ADAM32: variants seen among roughly 807,000 people sequenced by gnomAD.
ADAM32 encodes ADAM metallopeptidase domain 32, also known as disintegrin and metalloproteinase domain-containing protein 32.
A neutral mutation model predicts 114.9 loss-of-function variants in ADAM32; 89 were observed. That is an observed-to-expected ratio of 0.77 (90% CI 0.65 to 0.92). The LOEUF (loss-of-function observed/expected upper bound fraction) is 0.92, where lower values mean the gene tolerates loss of function less well. ADAM32 is among the 40% of genes least tolerant of loss of function. The pLI is 0.00. For synonymous variants in ADAM32, 285 were observed against 307.5 expected (o/e 0.93, Z 0.77); for missense variants, 870 against 932.8 (o/e 0.93, Z 0.88).
intron 12 of ADAM32, among the ~76,000 whole-genome samples, chr8:39,216,451 C>G (rs1279101374): frequency 6.6e-6 from 1 of 151,584 alleles, no homozygotes; most frequent in African/African-American, 2.4e-5. Context: ...TGTTATTTGT[C>G]TTTCTTCTTC....
intron 12 of ADAM32, among the ~76,000 whole-genome samples, chr8:39,219,018 C>T (rs186549059): frequency 9.9e-5 from 15 of 152,086 alleles, no homozygotes; most frequent in African/African-American, 3.4e-4. Context: ...TTCAAGGCAG[C>T]AGGTTCCCTT....
At chr8:39,127,692 A>AG (rs1564447193) in intron 2 of ADAM32, among the ~76,000 whole-genome samples, 1 of 151,464 alleles carries the variant, frequency 6.6e-6, no homozygotes, top group Non-Finnish European at 1.5e-5. Context: ...TTCTGCCCTG[A>AG]TTTTGGTTAT....
At chr8:39,202,027 G>C (rs943423053) in intron 11 of ADAM32, among the ~76,000 whole-genome samples, 16 of 152,170 alleles carry the variant, frequency 1.1e-4, no homozygotes, top group Non-Finnish European at 1.5e-5. Flanking sequence ...GATTTGGTTT[G>C]CCAGTATTTT....
At chr8:39,237,277 T>C (rs1810220313) in intron 16 of ADAM32, among the ~76,000 whole-genome samples, 2 of 152,024 alleles carry the variant, frequency 1.3e-5, no homozygotes, top group Non-Finnish European at 2.9e-5. Flanking sequence ...GGACAGCCAG[T>C]GGAATTGGGG....
intron 10 of ADAM32, among the ~76,000 whole-genome samples, chr8:39,185,075 G>A (rs371193751): frequency 1.3e-5 from 2 of 152,022 alleles, no homozygotes; most frequent in South Asian, 2.1e-4. Flanking sequence ...GACCAGCCTG[G>A]GCAACATGGC....
intron 2 of ADAM32, among the ~76,000 whole-genome samples, chr8:39,120,242 G>C (rs533960567): frequency 6.6e-6 from 1 of 152,162 alleles, no homozygotes; most frequent in African/African-American, 2.4e-5. Flanking sequence ...TAAAAATGTT[G>C]AAGTGGATTT....
Position 39,208,303 on chromosome 8 carries a change from A to C in ADAM32, c.1053-2841A>C, listed in dbSNP as rs577619738. Reference sequence around the variant, plus strand: ...AAACAAACACAACCTGAAAAACTCTACACTTTAACTCCCTTCTCCCCAATT... The same window carrying C: ...AAACAAACACAACCTGAAAAACTCTCCACTTTAACTCCCTTCTCCCCAATT... On this transcript the variant is annotated intron_variant, in intron 11 of 24. Coordinates refer to ENST00000379907, the MANE Select transcript of ADAM32 (RefSeq NM_145004.7). Among the ~76,000 whole-genome samples the C allele has an allele frequency of 5.3e-5, 8 of 152,276 alleles. No individual in the cohort carries two copies. The South Asian group carries it at 1.7e-3, about 32-fold the overall frequency.
intron 3 of ADAM32, among the ~76,000 whole-genome samples, chr8:39,142,891 C>T (rs1326734142): frequency 2.6e-5 from 4 of 152,124 alleles, no homozygotes; most frequent in Non-Finnish European, 5.9e-5. Flanking sequence ...TTCTTGGAGG[C>T]TTTGTTAGTT....
At chr8:39,265,626 G>A (rs1812303168) in intron 19 of ADAM32, among the ~76,000 whole-genome samples, 1 of 152,108 alleles carries the variant, frequency 6.6e-6, no homozygotes. Context: ...GTGGTGGCAG[G>A]TAGCTGGTTA....
chr8:39,123,480 C>T (rs1369711776), intron 2 of ADAM32, among the ~76,000 whole-genome samples: 1 of 152,136 alleles, frequency 6.6e-6, no homozygotes, highest in Non-Finnish European at 1.5e-5. Flanking sequence ...CAATCCATAA[C>T]ATTCTTCCTT....
At chr8:39,148,931 A>G (rs1418598725) in intron 4 of ADAM32, among the ~76,000 whole-genome samples, 1 of 152,136 alleles carries the variant, frequency 6.6e-6, no homozygotes, top group Non-Finnish European at 1.5e-5. Flanking sequence ...CCAACTCTAT[A>G]CAATTTAATT....
At position 39,189,805 on chromosome 8, in the gene ADAM32, C is replaced by CT. The variant is rs796431473; in HGVS notation, c.1052+2770dup. Reference sequence around the variant, plus strand: ...TGGAAAGCATTATTCTACTCTATATCTTTTTTTTTTGAGATGGAGTCTCGC... The same window carrying CT: ...TGGAAAGCATTATTCTACTCTATATCTTTTTTTTTTTGAGATGGAGTCTCGC... On this transcript the variant is annotated intron_variant, in intron 11 of 24. Transcript: ENST00000379907. 3.6e-3 allele frequency among the ~76,000 whole-genome samples: 542 copies of CT among 149,594 alleles called. 7 individuals are homozygous for CT. The highest frequency in any genetic ancestry group is 0.012 in the African/African-American group (479 of 40,884).
At chr8:39,232,282 A>G (rs1321727476) in intron 15 of ADAM32, 147 bp downstream of exon 15, 2 of 553,954 alleles carry the variant, frequency 3.6e-6, no homozygotes, top group Non-Finnish European at 6.0e-6. Context: ...CAGCCCTGAC[A>G]CCTCTTTTGT....
chr8:39,176,117 A>T (rs1805512006), intron 10 of ADAM32, among the ~76,000 whole-genome samples: 1 of 151,372 alleles, frequency 6.6e-6, no homozygotes. Flanking sequence ...TATTATATTA[A>T]TTTTTTCAAA....
At chr8:39,270,758 T>C (rs902027216) in intron 19 of ADAM32, 118 bp from the exon 20 acceptor site, 18 of 794,548 alleles carry the variant, frequency 2.3e-5, no homozygotes, top group Non-Finnish European at 3.3e-5. Context: ...CAATATTTTA[T>C]TTTTTAATAA....
Position 39,233,983 on chromosome 8 carries a change from C to T in ADAM32, c.1719C>T (p.Phe573=), listed in dbSNP as rs373986488. ...HQENGDVIYA[F]VRDSVCITVD... ...AAAATGGTGATGTGATTTATGCTTT[C>T]GTACGAGATTCTGTATGCATAACTG... Residue 573 remains phenylalanine, a synonymous_variant, in exon 16 of 25, where the codon TTC becomes TTT. Coordinates refer to ENST00000379907, the MANE Select transcript of ADAM32 (RefSeq NM_145004.7). 3.7e-5 allele frequency: 58 copies of T among 1,580,986 alleles called. No individual in the cohort carries two copies. The highest frequency in any genetic ancestry group is 1.4e-4 in the Admixed American group (8 of 56,918).
chr8:39,222,585 A>G (rs1318303916), intron 13 of ADAM32, among the ~76,000 whole-genome samples: 1 of 152,092 alleles, frequency 6.6e-6, no homozygotes, highest in Non-Finnish European at 1.5e-5. Context: ...GTTGAACTGC[A>G]TTTTTAATAA....
At chr8:39,239,011 A>G (rs1189745913) in intron 16 of ADAM32, among the ~76,000 whole-genome samples, 1 of 152,166 alleles carries the variant, frequency 6.6e-6, no homozygotes, top group African/African-American at 2.4e-5. Context: ...GGAATAATCA[A>G]GGAGAACTTC....
chr8:39,171,896 G>A (rs1805226773), intron 10 of ADAM32, among the ~76,000 whole-genome samples: 1 of 151,268 alleles, frequency 6.6e-6, no homozygotes, highest in South Asian at 2.1e-4. Flanking sequence ...GCTGTGAACA[G>A]TAAGAGGTGT....
Sources: allele counts gnomAD v4.1 joint callset (sites outside exome capture counted in the v4.1 genomes callset), GRCh38; gene constraint gnomAD v4.1.1; transcripts MANE v1.5; gene names NCBI Gene and HGNC (gene_info 2026-07-23, HGNC 2026-07-21).